The following LMLN variants were observed in gnomAD, a reference collection of about 807,000 sequenced individuals.
LMLN encodes leishmanolysin like peptidase, also known as leishmanolysin-like peptidase.
In LMLN, 70 loss-of-function variants were observed where a neutral mutation model predicts 92.3. That is an observed-to-expected ratio of 0.76 (90% CI 0.63 to 0.92). The LOEUF is 0.92. Among genes scored for constraint, LMLN ranks in the 40% least tolerant of loss-of-function variants. The pLI is 0.00. For synonymous variants in LMLN, 308 were observed against 296.2 expected, an observed-to-expected ratio of 1.04 and a Z score of -0.41; for missense variants, 691 against 814.6, an observed-to-expected ratio of 0.85 and a Z score of 1.85.
intron 8 of LMLN, among the ~76,000 whole-genome samples, chr3:197,987,250 C>T (rs1263633368): frequency 2.0e-5 from 3 of 151,302 alleles, no homozygotes; most frequent in African/African-American, 7.3e-5. Context: ...AGCTCCGCCT[C>T]CTGGGTTCAC....
chr3:197,972,278 G>A (rs1721251364), intron 1 of LMLN, among the ~76,000 whole-genome samples: 1 of 151,926 alleles, frequency 6.6e-6, no homozygotes, highest in Non-Finnish European at 1.5e-5. Flanking sequence ...TGGCCAGGCT[G>A]GTCTGGAACT....
chr3:198,012,198 G>A (rs895583043), intron 11 of LMLN, among the ~76,000 whole-genome samples: 2 of 152,104 alleles, frequency 1.3e-5, no homozygotes, highest in Admixed American at 1.3e-4. Context: ...CCAGGTAGCT[G>A]GGACTACAGG....
rs1581142125 is a variant in LMLN at position 197,982,893 on chromosome 3, G to A, written c.729-1050G>A. Among the ~76,000 whole-genome samples the A allele has an allele frequency of 6.6e-5, 10 of 152,344 alleles. No individual in the cohort carries two copies. In the South Asian group the frequency reaches 2.1e-3, roughly 32 times the overall value. On this transcript the variant is annotated intron_variant, in intron 6 of 15. Coordinates refer to ENST00000330198, the Ensembl canonical transcript of LMLN. ...AAATAGAGAGATGTGGGGAGAGCTT[G>A]TGAAGGCAGAAGCCATGTACACCTG... is the stretch of plus-strand genomic sequence containing the variant.
At chr3:197,992,277 C>G (rs964993716) in intron 9 of LMLN, among the ~76,000 whole-genome samples, 2 of 152,038 alleles carry the variant, frequency 1.3e-5, no homozygotes, top group Non-Finnish European at 2.9e-5. Context: ...TGAGGTATCA[C>G]AACAGAGGGG....
At chr3:198,027,330 G>C (rs1040583766) in intron 14 of LMLN, among the ~76,000 whole-genome samples, 4 of 151,726 alleles carry the variant, frequency 2.6e-5, no homozygotes, top group Admixed American at 2.0e-4. Flanking sequence ...GAAGGGGAAA[G>C]GAGAAAGGGA....
chr3:198,029,123 G>T (rs113246452), intron 14 of LMLN, among the ~76,000 whole-genome samples: 3,275 of 152,238 alleles, frequency 0.022, 132 homozygotes, highest in African/African-American at 0.075. Context: ...AAACCAGAAT[G>T]ATCATTTTCT....
chr3:197,994,429 TA>T (rs1295763133), intron 9 of LMLN, among the ~76,000 whole-genome samples: 3 of 152,002 alleles, frequency 2.0e-5, no homozygotes, highest in Admixed American at 1.3e-4. Flanking sequence ...ACAGCCCATT[TA>T]AAAAAATGGG....
At chr3:198,014,874 A>T (rs13081050) in intron 11 of LMLN, among the ~76,000 whole-genome samples, 621 of 49,648 alleles carry the variant, frequency 0.013, no homozygotes, top group Middle Eastern at 0.038. Context: ...CTCTCCACCC[A>T]TCAGAGCCCC....
chr3:197,995,761 G>T (rs990379550), intron 9 of LMLN, among the ~76,000 whole-genome samples: 12 of 152,016 alleles, frequency 7.9e-5, no homozygotes, highest in African/African-American at 2.9e-4. Flanking sequence ...TATTTGAAAT[G>T]ATGGCTATAT....
At chr3:197,995,891 A>G (rs1722004643) in intron 9 of LMLN, among the ~76,000 whole-genome samples, 1 of 152,206 alleles carries the variant, frequency 6.6e-6, no homozygotes, top group Non-Finnish European at 1.5e-5. Context: ...ATGAGTTACA[A>G]CTGTCAATCA....
intron 1 of LMLN, among the ~76,000 whole-genome samples, chr3:197,969,793 T>C (rs570922952): frequency 1.3e-3 from 196 of 152,330 alleles, no homozygotes; most frequent in Non-Finnish European, 2.1e-3. Flanking sequence ...TTCATTTTGC[T>C]GTTGTTGTAA....
In LMLN at chr3:198,008,518, G is replaced by T. The variant is rs144286061; in HGVS notation, c.1232+9176G>T. Among the ~76,000 whole-genome samples the T allele has an allele frequency of 2.8e-4, 42 of 152,272 alleles. No homozygotes were observed. The East Asian group carries it at 7.7e-3, about 28-fold the overall frequency. On this transcript the variant is annotated intron_variant, in intron 11 of 15. Coordinates refer to ENST00000330198, the Ensembl canonical transcript of LMLN. ...AGGCAGGCTGATTGCTTGAGCCCAG[G>T]AGTTCAAGACTAGCCTGGACAACAT... is the stretch of plus-strand genomic sequence containing the variant.
intron 11 of LMLN, among the ~76,000 whole-genome samples, chr3:198,010,943 T>C (rs908945425): frequency 9.2e-5 from 14 of 152,188 alleles, no homozygotes; most frequent in Admixed American, 4.6e-4. Context: ...AGATTCTTCT[T>C]TGACCCATCG....
chr3:197,980,598 A>T, intron 6 of LMLN, 94 bp downstream of exon 6: 1 of 1,245,772 alleles, frequency 8.0e-7, no homozygotes, highest in Non-Finnish European at 1.1e-6. Context: ...GGAATCTTGC[A>T]TTTGCCAGAT....
At chr3:197,961,042 T>C (rs939408838) in intron 1 of LMLN, among the ~76,000 whole-genome samples, 2 of 152,214 alleles carry the variant, frequency 1.3e-5, no homozygotes, top group Non-Finnish European at 2.9e-5. Flanking sequence ...TTCTCTCTGC[T>C]TAAATTCTTT....
At chr3:197,994,128 T>TA (rs1411490678) in intron 9 of LMLN, among the ~76,000 whole-genome samples, 1 of 152,116 alleles carries the variant, frequency 6.6e-6, no homozygotes, top group Non-Finnish European at 1.5e-5. Context: ...ACTCCAAACA[T>TA]ATTAAGTAAA....
chr3:197,973,117 C>T (rs1374312980), intron 1 of LMLN, among the ~76,000 whole-genome samples: 6 of 152,122 alleles, frequency 3.9e-5, no homozygotes, highest in Admixed American at 3.9e-4. Flanking sequence ...TGTCTTTCTC[C>T]CTCCCCAAAA....
Position 197,964,988 on chromosome 3 carries a change from CAA to C in LMLN, c.219+4549_219+4550del, listed in dbSNP as rs1208010439. ...TGCCACTGCATTCCAGCCTGGGCGA[CAA>C]GAGCGAAACTCTGTCTCAAAAAAAA... is the stretch of plus-strand genomic sequence containing the variant. On this transcript the variant is annotated intron_variant, in intron 1 of 15. Coordinates refer to ENST00000330198, the Ensembl canonical transcript of LMLN. Among the ~76,000 whole-genome samples, 5 of 141,770 alleles carry C rather than the reference CAA, an allele frequency of 3.5e-5. No individual in the cohort carries two copies. In the South Asian group the frequency reaches 6.7e-4, roughly 19 times the overall value. 93.0% of individuals were successfully genotyped at this position (141,770 alleles called of 152,430 possible).
chr3:197,975,154 A>G (rs1721334734), intron 3 of LMLN, 82 bp downstream of exon 3: 1 of 762,360 alleles, frequency 1.3e-6, no homozygotes, highest in Non-Finnish European at 2.2e-6. Context: ...AGAAAAATAT[A>G]TACATGACTT....
Sources: gnomAD v4.1 joint callset for allele counts (sites outside exome capture counted in the v4.1 genomes callset) on GRCh38, gnomAD v4.1.1 for gene constraint, MANE v1.5 for transcripts, NCBI Gene and HGNC (gene_info 2026-07-23, HGNC 2026-07-21) for gene names.